The following N4BP2 variants were observed in gnomAD, a reference collection of about 807,000 sequenced individuals.
The protein encoded by N4BP2 is NEDD4-binding protein 2.
N4BP2 carries 91 observed loss-of-function variants against 152.8 expected under a neutral mutation model. That is an observed-to-expected ratio of 0.60 (90% CI 0.50 to 0.71). The LOEUF is 0.71. Among genes scored for constraint, N4BP2 ranks in the 30% least tolerant of loss-of-function variants. The pLI is 0.00. For missense variants in N4BP2, 1,923 were observed against 2,059.1 expected (o/e 0.93, Z 1.28); for synonymous variants, 646 against 705.3 (o/e 0.92, Z 1.33).
At position 40,120,813 on chromosome 4, in the gene N4BP2, C is replaced by G. The variant is rs776549399; in HGVS notation, c.2702C>G (p.Pro901Arg). 6.2e-7 allele frequency: 1 copy of G among 1,614,096 alleles called. No individual in the cohort carries two copies. The highest frequency in any genetic ancestry group is 1.1e-5 in the South Asian group (1 of 91,070). Residue 901 changes from proline to arginine, a missense_variant, in exon 9 of 18, where the codon CCA (proline) becomes CGA (arginine). By Grantham distance (103) the Pro-to-Arg change is moderately radical. Coordinates refer to ENST00000261435, the MANE Select transcript of N4BP2 (RefSeq NM_018177.6). ...CAGAGGGAACACAGATCAAGAATGC[C>G]AAAGACTGGTTTAAGTGAGCCCAAC... ...LAQREHRSRM[P>R]KTGLSEPNLE...
chr4:40,144,931 T>C (rs1720372368), intron 16 of N4BP2, 131 bp downstream of exon 16: 1 of 625,562 alleles, frequency 1.6e-6, no homozygotes, highest in South Asian at 3.5e-5. Context: ...ATGTTTATGT[T>C]ATTCATTCTT....
the N4BP2 span, among the ~76,000 whole-genome samples, chr4:40,175,766 C>T: frequency 1.4e-5 from 2 of 142,660 alleles, no homozygotes; most frequent in Non-Finnish European, 3.0e-5. Context: ...GCCGAGATTG[C>T]GCCCCTGCAC....
intron 9 of N4BP2, 28 bp downstream of exon 9, chr4:40,122,337 G>A: frequency 7.1e-7 from 1 of 1,415,960 alleles, no homozygotes; most frequent in Non-Finnish European, 9.6e-7. Flanking sequence ...GACCATGTGT[G>A]TGTCTTTGTG....
the N4BP2 span, among the ~76,000 whole-genome samples, chr4:40,168,569 C>T: frequency 2.4e-5 from 3 of 124,966 alleles, no homozygotes; most frequent in South Asian, 6.5e-4. Flanking sequence ...AGGATAACAT[C>T]ATAAAAATGA....
chr4:40,134,002 T>G lies in N4BP2; in HGVS notation c.4646+2083T>G, dbSNP rs368910949. ...TGTATATTTTTTGTAGAGATGGAGT[T>G]TCACCATGTTGCCCAGGCTGGTCTT... On this transcript the variant is annotated intron_variant, in intron 13 of 17. Coordinates refer to ENST00000261435, the MANE Select transcript of N4BP2 (RefSeq NM_018177.6). 2.1e-4 allele frequency among the ~76,000 whole-genome samples: 32 copies of G among 152,118 alleles called. No homozygotes were observed. The South Asian group carries it at 6.2e-3, about 30-fold the overall frequency.
intron 12 of N4BP2, among the ~76,000 whole-genome samples, chr4:40,129,221 A>G (rs568368430): frequency 1.3e-5 from 2 of 148,178 alleles, no homozygotes; most frequent in East Asian, 4.6e-4. Context: ...GCTAGTTTTT[A>G]TTTTGTTTTG....
At chr4:40,162,007 T>TAG (rs1721872392), downstream of N4BP2, among the ~76,000 whole-genome samples, 1 of 152,208 alleles carries the variant, frequency 6.6e-6, no homozygotes, top group Admixed American at 6.5e-5. Context: ...AAAAGTGTTG[T>TAG]AGAAATAGTC....
At position 40,112,089 on chromosome 4, in the gene N4BP2, G is replaced by C. The variant is rs777306397; in HGVS notation, c.1504G>C (p.Glu502Gln). Residue 502 changes from glutamate (E) to glutamine (Q), a missense_variant, in exon 6 of 18, where the codon GAA (glutamate) becomes CAA (glutamine). Coordinates refer to ENST00000261435, the MANE Select transcript of N4BP2 (RefSeq NM_018177.6). ...AATTATGTTATGTTTTTCAGCAAAAGAAGCATTTGAGAAGAAGATATCTCC... is the reference window on the plus strand; with the variant it reads ...AATTATGTTATGTTTTTCAGCAAAACAAGCATTTGAGAAGAAGATATCTCC... Reference protein sequence around the residue: ...AHEWNQNRAKEAFEKKISPII... With the variant: ...AHEWNQNRAKQAFEKKISPII... The C allele has an allele frequency of 2.7e-6, 4 of 1,488,312 alleles. No individual in the cohort carries two copies. In the Admixed American group the frequency reaches 6.1e-5, roughly 23 times the overall value. 92.2% of individuals were successfully genotyped at this position (1,488,312 alleles called of 1,614,324 possible).
rs535281235 is a variant in N4BP2 at position 40,088,946 on chromosome 4, G to GT, written c.-114-8273dup. On this transcript the variant is annotated intron_variant, in intron 2 of 17. Coordinates refer to ENST00000261435, the MANE Select transcript of N4BP2 (RefSeq NM_018177.6). Reference sequence around the variant, plus strand: ...TCCAATTGTTTGGTTTTTATTTTTTGTTTTTTTTGTGTGTGTTTTTTTGAA... The same window carrying GT: ...TCCAATTGTTTGGTTTTTATTTTTTGTTTTTTTTTGTGTGTGTTTTTTTGAA... Among the ~76,000 whole-genome samples, 437 of 151,048 alleles carry GT rather than the reference G, an allele frequency of 2.9e-3. 4 individuals carry two copies. Among genetic ancestry groups the GT allele is most frequent in the African/African-American group, 9.3e-3 (384 of 41,176 alleles).
intron 16 of N4BP2, among the ~76,000 whole-genome samples, chr4:40,149,825 A>C (rs1720973030): frequency 6.6e-6 from 1 of 150,580 alleles, no homozygotes; most frequent in South Asian, 2.1e-4. Context: ...TGAACCAGGG[A>C]GGCGAAGCTT....
the N4BP2 span, among the ~76,000 whole-genome samples, chr4:40,181,020 T>A: frequency 6.6e-6 from 1 of 152,014 alleles, no homozygotes; most frequent in Non-Finnish European, 1.5e-5. Context: ...CATGGTGGCA[T>A]GTGCCTGTAG....
At position 40,102,684 on chromosome 4, in the gene N4BP2, C is replaced by G; in HGVS notation, c.839C>G (p.Ser280Cys). ...TCTGAGTGCGTTGAGGCTCAATTCTCTGAAGCTCCTGTAGATTTGGATGCC... is the reference window on the plus strand; with the variant it reads ...TCTGAGTGCGTTGAGGCTCAATTCTGTGAAGCTCCTGTAGATTTGGATGCC... ...LESECVEAQF[S>C]EAPVDLDASE... is the part of the protein sequence containing the mutation. The change falls in exon 4 of 18, where the codon TCT becomes TGT. Residue 280 changes from serine to cysteine, a missense_variant. Transcript: ENST00000261435. 6.2e-7 allele frequency: 1 copy of G among 1,614,192 alleles called. No homozygotes were observed. The highest frequency in any genetic ancestry group is 8.5e-7 in the Non-Finnish European group (1 of 1,180,032).
intron 13 of N4BP2, among the ~76,000 whole-genome samples, chr4:40,132,363 T>A (rs1264497513): frequency 6.6e-6 from 1 of 152,118 alleles, no homozygotes; most frequent in East Asian, 1.9e-4. Context: ...TGTTATGTCC[T>A]AATATTATAA....
chr4:40,121,628 A>G lies in N4BP2; in HGVS notation c.3517A>G (p.Asn1173Asp), dbSNP rs774513533. 33 of 1,614,068 alleles carry G rather than the reference A, an allele frequency of 2.0e-5. No individual in the cohort carries two copies. The highest frequency in any genetic ancestry group is 1.3e-4 in the East Asian group (6 of 44,888). The change falls in exon 9 of 18, where the codon AAT becomes GAT. Residue 1173 changes from asparagine to aspartate, a missense_variant. Coordinates refer to ENST00000261435, the MANE Select transcript of N4BP2 (RefSeq NM_018177.6). ...CCAAAGAGGAACTTTAGAGAATTCT[A>G]ATTCTCCTGTGCCAGAGTTTAGCCA... is the stretch of plus-strand genomic sequence containing the variant. Reference protein sequence around the residue: ...ISQRGTLENSNSPVPEFSHGI... With the variant: ...ISQRGTLENSDSPVPEFSHGI...
At chr4:40,170,693 T>A in the N4BP2 span, among the ~76,000 whole-genome samples, 1 of 152,232 alleles carries the variant, frequency 6.6e-6, no homozygotes, top group Non-Finnish European at 1.5e-5. Flanking sequence ...TTTTGTGTTC[T>A]AATTGGAAAT....
At chr4:40,093,683 C>T (rs1714843046) in intron 2 of N4BP2, among the ~76,000 whole-genome samples, 1 of 152,112 alleles carries the variant, frequency 6.6e-6, no homozygotes. Flanking sequence ...ATGGCACTGT[C>T]TTGGCTCACT....
At chr4:40,070,138 A>G (rs192005368) in intron 1 of N4BP2, among the ~76,000 whole-genome samples, 6 of 152,316 alleles carry the variant, frequency 3.9e-5, no homozygotes, top group South Asian at 2.1e-4. Flanking sequence ...TGATTCAACA[A>G]TTGTTACCAT....
the N4BP2 span, among the ~76,000 whole-genome samples, chr4:40,175,113 T>G: frequency 6.6e-6 from 1 of 152,046 alleles, no homozygotes. Context: ...CTAGAATTCC[T>G]GGCCTCAAGC....
At chr4:40,087,450 A>G in intron 2 of N4BP2, among the ~76,000 whole-genome samples, 1 of 152,106 alleles carries the variant, frequency 6.6e-6, no homozygotes, top group East Asian at 1.9e-4. Flanking sequence ...TGCAACCTCT[A>G]CCTCCTGGAT....
Sources: allele counts gnomAD v4.1 joint callset (sites outside exome capture counted in the v4.1 genomes callset), GRCh38; gene constraint gnomAD v4.1.1; transcripts MANE v1.5; gene names NCBI Gene and HGNC (gene_info 2026-07-23, HGNC 2026-07-21).